SLC14A2: variants seen among roughly 807,000 people sequenced by gnomAD.
The protein encoded by SLC14A2 is urea transporter 2.
SLC14A2 carries 91 observed loss-of-function variants against 104.6 expected under a neutral mutation model. The observed-to-expected ratio is 0.87, with a 90% CI of 0.73 to 1.04. The LOEUF (loss-of-function observed/expected upper bound fraction) is 1.04. Ranked by LOEUF, SLC14A2 falls within the 50% of genes least tolerant of loss-of-function variation. The pLI, the probability that SLC14A2 is intolerant of heterozygous loss-of-function variation, is 0.00. For missense variants in SLC14A2, 1,189 were observed against 1,156.0 expected (o/e 1.03, Z -0.41); for synonymous variants, 476 against 466.4 (o/e 1.02, Z -0.27).
chr18:45,211,216 G>C (rs992720020), upstream of SLC14A2, among the ~76,000 whole-genome samples: 24 of 152,188 alleles, frequency 1.6e-4, no homozygotes, highest in African/African-American at 5.8e-4. Context: ...TTTCTTGACA[G>C]CACAACCAAC....
intron 1 of SLC14A2, among the ~76,000 whole-genome samples, chr18:45,322,840 G>C (rs187464294): frequency 6.6e-6 from 1 of 152,088 alleles, no homozygotes; most frequent in East Asian, 1.9e-4. Flanking sequence ...CAGAGACACC[G>C]AGGTTCTTTG....
At chr18:45,238,333 G>A (rs1381755012) in intron 1 of SLC14A2, among the ~76,000 whole-genome samples, 1 of 152,218 alleles carries the variant, frequency 6.6e-6, no homozygotes, top group Non-Finnish European at 1.5e-5. Context: ...TGAAAGGGCA[G>A]ACTCTATTTA....
chr18:45,237,050 C>A (rs1240753990), intron 1 of SLC14A2, among the ~76,000 whole-genome samples: 2 of 152,088 alleles, frequency 1.3e-5, no homozygotes, highest in African/African-American at 2.4e-5. Flanking sequence ...TGAGGAGACC[C>A]ACTATAGCCA....
intron 2 of SLC14A2, among the ~76,000 whole-genome samples, chr18:45,536,140 G>C (rs1368239295): frequency 6.6e-6 from 1 of 152,192 alleles, no homozygotes; most frequent in Non-Finnish European, 1.5e-5. Context: ...TTGCCTATGT[G>C]AGAGAAAACA....
chr18:45,391,337 T>C (rs1487618952), intron 1 of SLC14A2, among the ~76,000 whole-genome samples: 2 of 152,260 alleles, frequency 1.3e-5, no homozygotes, highest in African/African-American at 2.4e-5. Context: ...GTTGGACATT[T>C]GGCTTAGTTC....
chr18:45,469,715 C>T (rs780196955), intron 1 of SLC14A2, among the ~76,000 whole-genome samples: 18 of 152,180 alleles, frequency 1.2e-4, no homozygotes, highest in Admixed American at 2.0e-4. Context: ...TGTCCACCTA[C>T]TTTCAGAGGG....
At chr18:45,641,717 A>G (rs1380167088) in intron 8 of SLC14A2, among the ~76,000 whole-genome samples, 1 of 152,204 alleles carries the variant, frequency 6.6e-6, no homozygotes. Flanking sequence ...TGGTGACTAC[A>G]TCCTCATGAA....
At chr18:45,640,219 T>C (rs1434679102) in intron 7 of SLC14A2, among the ~76,000 whole-genome samples, 1 of 150,636 alleles carries the variant, frequency 6.6e-6, no homozygotes, top group Admixed American at 6.6e-5. Context: ...GAGGTTGCAA[T>C]GAGCCAAGAT....
At chr18:45,657,609 A>G (rs1410165104) in intron 10 of SLC14A2, among the ~76,000 whole-genome samples, 1 of 152,172 alleles carries the variant, frequency 6.6e-6, no homozygotes, top group Non-Finnish European at 1.5e-5. Context: ...TGAACTTCCA[A>G]TGGGGAGTAA....
intron 1 of SLC14A2, among the ~76,000 whole-genome samples, chr18:45,397,958 G>A (rs527416185): frequency 1.5e-4 from 22 of 151,614 alleles, no homozygotes; most frequent in African/African-American, 2.9e-4. Context: ...AATAAATAAC[G>A]AAACTGCCAG....
chr18:45,388,178 C>T (rs1949650942), intron 1 of SLC14A2, among the ~76,000 whole-genome samples: 2 of 149,664 alleles, frequency 1.3e-5, no homozygotes, highest in African/African-American at 4.9e-5. Context: ...TGGGTTCACG[C>T]CATTCTCCTG....
chr18:45,668,297 T>C, intron 14 of SLC14A2, 52 bp from the exon 15 acceptor site: 1 of 1,601,372 alleles, frequency 6.2e-7, no homozygotes, highest in Non-Finnish European at 8.5e-7. Context: ...TAGGAAAATG[T>C]AAAGGGCCCT....
intron 10 of SLC14A2, among the ~76,000 whole-genome samples, chr18:45,653,277 G>A (rs2045771744): frequency 6.6e-6 from 1 of 151,996 alleles, no homozygotes; most frequent in Non-Finnish European, 1.5e-5. Flanking sequence ...CACCCCCTTT[G>A]TTTGCTTTCC....
chr18:45,678,841 A>C, intron 18 of SLC14A2, 134 bp from the exon 19 acceptor site: 1 of 777,832 alleles, frequency 1.3e-6, no homozygotes. Flanking sequence ...ATGGAAACAT[A>C]ACTCAAATTT....
intron 1 of SLC14A2, among the ~76,000 whole-genome samples, chr18:45,226,801 T>A (rs903135508): frequency 7.5e-5 from 11 of 146,468 alleles, no homozygotes; most frequent in Non-Finnish European, 1.4e-4. Flanking sequence ...CCCTAGAACT[T>A]AAATAATAAT....
chr18:45,463,323 C>A (rs1404268269), intron 1 of SLC14A2, among the ~76,000 whole-genome samples: 1 of 152,180 alleles, frequency 6.6e-6, no homozygotes, highest in African/African-American at 2.4e-5. Flanking sequence ...CAGCTTGACC[C>A]ACCAGCTGTG....
At position 45,464,624 on chromosome 18, in the gene SLC14A2, T is replaced by C. The variant is rs572888202; in HGVS notation, c.-124-18609T>C. Among the ~76,000 whole-genome samples, 5 of 152,342 alleles carry C rather than the reference T, an allele frequency of 3.3e-5. No individual in the cohort carries two copies. In the South Asian group the frequency reaches 1.0e-3, roughly 32 times the overall value. On this transcript the variant is annotated intron_variant, in intron 1 of 20. Transcript: ENST00000586448. ...TCGTGTAATTTCTATTTTTTGCTGC[T>C]CTTTGCCTGCCTTTGTGGAATGCTA...
At chr18:45,629,642 T>C (rs553147217) in intron 4 of SLC14A2, among the ~76,000 whole-genome samples, 4 of 152,136 alleles carry the variant, frequency 2.6e-5, no homozygotes, top group African/African-American at 9.7e-5. Context: ...AGACCCTCCC[T>C]GCGCTGACAC....
At chr18:45,598,410 T>C (rs1222189769) in intron 2 of SLC14A2, among the ~76,000 whole-genome samples, 1 of 152,136 alleles carries the variant, frequency 6.6e-6, no homozygotes, top group Non-Finnish European at 1.5e-5. Flanking sequence ...GCATTTCTCC[T>C]ACAAATTTCT....
Sources: allele counts gnomAD v4.1 joint callset (sites outside exome capture counted in the v4.1 genomes callset), GRCh38; gene constraint gnomAD v4.1.1; transcripts MANE v1.5; gene names NCBI Gene and HGNC (gene_info 2026-07-23, HGNC 2026-07-21).